The following ATP7A variants were observed in gnomAD, a reference collection of about 807,000 sequenced individuals.
ATP7A encodes ATPase copper transporting alpha.
ATP7A carries 7 observed loss-of-function variants against 83.5 expected under a neutral mutation model. The observed-to-expected ratio is 0.08, with a 90% CI of 0.05 to 0.16. The LOEUF is 0.16. Ranked by LOEUF, ATP7A falls within the 10% of genes least tolerant of loss-of-function variation. The pLI is 1.00. For missense variants in ATP7A, 940 were observed against 1,120.8 expected, an observed-to-expected ratio of 0.84 and a Z score of 2.30; for synonymous variants, 354 against 395.2, an observed-to-expected ratio of 0.90 and a Z score of 1.24.
At chrX:77,952,789 CTTTT>C (rs782435802) in intron 1 of ATP7A, among the ~76,000 whole-genome samples, 1 of 98,750 alleles carries the variant, frequency 1.0e-5, no homozygotes, top group Non-Finnish European at 2.1e-5. Context: ...TTTCTTTTTC[CTTTT>C]TTTTTTTTTT....
intron 1 of ATP7A, among the ~76,000 whole-genome samples, chrX:77,943,003 C>T (rs1251400866): frequency 9.2e-6 from 1 of 108,966 alleles, no homozygotes; most frequent in Non-Finnish European, 1.9e-5. Flanking sequence ...TTTTTAGTAG[C>T]AACGGGGTTT....
intron 1 of ATP7A, among the ~76,000 whole-genome samples, chrX:77,918,883 A>G (rs2077197397): frequency 9.0e-6 from 1 of 111,509 alleles, no homozygotes; most frequent in African/African-American, 3.3e-5. Flanking sequence ...AGCAGCCGTG[A>G]TAGTCCCAAC....
chrX:78,032,534 C>T (rs1557237222), intron 16 of ATP7A, among the ~76,000 whole-genome samples: 1 of 112,056 alleles, frequency 8.9e-6, no homozygotes. Flanking sequence ...AAAATATTTA[C>T]TTGATGGTTT....
intron 11 of ATP7A, among the ~76,000 whole-genome samples, chrX:78,015,493 C>CCATTA (rs782385741): frequency 1.8e-5 from 2 of 111,475 alleles, no homozygotes; most frequent in East Asian, 5.6e-4. Context: ...TAAATGAAAC[C>CCATTA]CATTACATTA....
At chrX:77,938,460 T>G (rs1242491692) in intron 1 of ATP7A, among the ~76,000 whole-genome samples, 1 of 112,518 alleles carries the variant, frequency 8.9e-6, no homozygotes, top group Non-Finnish European at 1.9e-5. Context: ...TCAGTTCTAG[T>G]TCCTTTTTTT....
chrX:78,005,700 A>G (rs1290550465), intron 6 of ATP7A, among the ~76,000 whole-genome samples: 7 of 105,505 alleles, frequency 6.6e-5, no homozygotes, highest in Non-Finnish European at 1.2e-4. Flanking sequence ...AAAAAAAAAA[A>G]AAAAAAGAAA....
chrX:78,035,760 T>G (rs1310069404), intron 17 of ATP7A, among the ~76,000 whole-genome samples: 3 of 111,768 alleles, frequency 2.7e-5, no homozygotes, highest in African/African-American at 9.8e-5. Flanking sequence ...CTCTATGTAA[T>G]GTTCTTGTTC....
chrX:78,031,776 A>G (rs1402236192), intron 16 of ATP7A, among the ~76,000 whole-genome samples, 194 bp downstream of exon 16: 1 of 112,458 alleles, frequency 8.9e-6, no homozygotes, highest in Non-Finnish European at 1.9e-5. Context: ...CAAATGAACT[A>G]TAATCCTATC....
At chrX:78,005,832 T>G (rs5912560) in intron 6 of ATP7A, among the ~76,000 whole-genome samples, 50,799 of 109,080 alleles carry the variant, frequency 0.47, 11,193 homozygotes, top group African/African-American at 0.86. Context: ...CTTCTTGGGA[T>G]GAAGACACCA....
intron 12 of ATP7A, among the ~76,000 whole-genome samples, chrX:78,016,496 A>G (rs2077865230): frequency 9.0e-6 from 1 of 111,226 alleles, no homozygotes; most frequent in African/African-American, 3.3e-5. Context: ...GTCTTATTTC[A>G]GCATTAACTC....
chrX:77,978,781 G>T (rs1336062856), intron 2 of ATP7A, among the ~76,000 whole-genome samples: 2 of 111,571 alleles, frequency 1.8e-5, no homozygotes, highest in Non-Finnish European at 3.8e-5. Flanking sequence ...TATTGTTATG[G>T]ATTTTTATGA....
chrX:77,954,363 C>T (rs1448401928), intron 1 of ATP7A, among the ~76,000 whole-genome samples: 1 of 111,239 alleles, frequency 9.0e-6, no homozygotes, highest in South Asian at 3.7e-4. Context: ...AGGCTAGTCT[C>T]GAACTCCTGA....
At chrX:77,967,523 A>G (rs782154035) in intron 1 of ATP7A, among the ~76,000 whole-genome samples, 9 of 111,517 alleles carry the variant, frequency 8.1e-5, no homozygotes, top group Non-Finnish European at 1.5e-4. Flanking sequence ...GCTTTTTTTC[A>G]TATGTTTGTT....
chrX:77,997,549 TAGAC>T (rs2077712105), intron 4 of ATP7A, among the ~76,000 whole-genome samples: 2 of 111,128 alleles, frequency 1.8e-5, no homozygotes, highest in Admixed American at 1.9e-4. Context: ...ACAAATTAGA[TAGAC>T]TAGTGGAAAT....
rs1603381546 is a variant in ATP7A, at chrX:77,989,758, C to G, written c.1136C>G (p.Thr379Ser). Residue 379 changes from threonine (T) to serine (S), a missense_variant, in exon 4 of 23, where the codon ACT (threonine) becomes AGT (serine). Physicochemically the swap from Thr to Ser is moderately conservative, Grantham distance 58. Transcript: ENST00000341514. ...NVVSQPLTQE[T>S]VINIDGMTCN... ...GTTAGCCAGCCTCTGACACAAGAAA[C>G]TGTGATAAACATTGATGGCATGACT... 1 of 1,211,254 alleles carries G rather than the reference C, an allele frequency of 8.3e-7. No homozygotes were observed. The highest frequency in any genetic ancestry group is 3.0e-5 in the East Asian group (1 of 33,833).
intron 15 of ATP7A, among the ~76,000 whole-genome samples, chrX:78,030,726 C>G (rs2077978022): frequency 1.0e-5 from 1 of 97,159 alleles, no homozygotes; most frequent in African/African-American, 3.9e-5. Flanking sequence ...AAGTCTCGCT[C>G]TATGGCCCAG....
intron 10 of ATP7A, among the ~76,000 whole-genome samples, chrX:78,013,922 G>C (rs1183972774): frequency 9.0e-6 from 1 of 111,074 alleles, no homozygotes; most frequent in Non-Finnish European, 1.9e-5. Flanking sequence ...TGGTATTACA[G>C]GGTAACTTTA....
chrX:78,031,384 C>T lies in ATP7A; in HGVS notation c.3112-16C>T. On this transcript the variant is annotated splice_polypyrimidine_tract_variant and intron_variant, in intron 15 of 22. Transcript: ENST00000341514. ...GTGGAGGATCATCAAGTCATTGTAT[C>T]TTAATTTTTTTACAGGTAAAGGTAG... The T allele has an allele frequency of 2.5e-6, 3 of 1,201,268 alleles. No individual in the cohort carries two copies. Among genetic ancestry groups the T allele is most frequent in the Non-Finnish European group, 3.4e-6 (3 of 886,164 alleles).
Position 78,033,766 on chromosome X carries a change from C to T in ATP7A, c.3456C>T (p.Ala1152=). 8.3e-7 allele frequency: 1 copy of T among 1,210,225 alleles called. No individual in the cohort carries two copies. The highest frequency in any genetic ancestry group is 1.8e-5 in the South Asian group (1 of 56,926). The change falls in exon 17 of 23, where the codon GCC becomes GCT. Residue 1152 remains alanine, a synonymous_variant. Transcript: ENST00000341514. ...IKNASLVQID[A]SNEQSSTSSS... is the part of the protein sequence containing the mutation. ...ATGCATCCCTGGTTCAAATTGATGC[C>T]AGTAATGAACAGTCATCAACTTCGT...
Sources: gnomAD v4.1 joint callset for allele counts (sites outside exome capture counted in the v4.1 genomes callset) on GRCh38, gnomAD v4.1.1 for gene constraint, MANE v1.5 for transcripts, NCBI Gene and HGNC (gene_info 2026-07-23, HGNC 2026-07-21) for gene names.